The following GRIA3 variants were observed in gnomAD, a reference collection of about 807,000 sequenced individuals.
GRIA3 encodes the protein glutamate ionotropic receptor AMPA type subunit 3.
GRIA3 carries 3 observed loss-of-function variants against 63.0 expected under a neutral mutation model. The ratio of observed to expected loss-of-function variants is 0.05; its 90% CI spans 0.02 to 0.12. GRIA3 has a LOEUF of 0.12. GRIA3 is among the 10% of genes least tolerant of loss of function. The pLI is 1.00. For synonymous variants in GRIA3, 274 were observed against 257.9 expected (o/e 1.06, Z -0.60); for missense variants, 347 against 700.9 (o/e 0.50, Z 5.70).
chrX:123,403,195 G>T (rs1169917478), intron 8 of GRIA3, 97 bp downstream of exon 8: 2 of 608,153 alleles, frequency 3.3e-6, no homozygotes, highest in Admixed American at 4.6e-5. Context: ...CAAAATATCA[G>T]TAAGGATGAG....
At chrX:123,217,134 T>C (rs1408270966) in intron 2 of GRIA3, among the ~76,000 whole-genome samples, 2 of 110,983 alleles carry the variant, frequency 1.8e-5, no homozygotes, top group African/African-American at 6.6e-5. Context: ...AGCTGCAAAC[T>C]CCCCCTCATC....
intron 12 of GRIA3, among the ~76,000 whole-genome samples, chrX:123,451,701 G>A (rs1439152882): frequency 1.8e-5 from 2 of 108,372 alleles, no homozygotes; most frequent in Admixed American, 1.0e-4. Flanking sequence ...ATGACTAAAA[G>A]GATTTTGACC....
At chrX:123,234,306 C>T (rs2044291284) in intron 2 of GRIA3, among the ~76,000 whole-genome samples, 2 of 111,718 alleles carry the variant, frequency 1.8e-5, no homozygotes, top group Admixed American at 1.9e-4. Flanking sequence ...CTTCCACACA[C>T]AGCAACAGAG....
At chrX:123,454,437 A>G (rs1166467848) in intron 12 of GRIA3, among the ~76,000 whole-genome samples, 1 of 111,822 alleles carries the variant, frequency 8.9e-6, no homozygotes, top group Non-Finnish European at 1.9e-5. Flanking sequence ...GTATGTATTC[A>G]ATTAAATGTT....
At chrX:123,464,714 T>C in intron 12 of GRIA3, 151 bp from the exon 13 acceptor site, 1 of 476,016 alleles carries the variant, frequency 2.1e-6, no homozygotes, top group Non-Finnish European at 3.7e-6. Flanking sequence ...TTGGAAACAA[T>C]GTTTACGTAT....
chrX:123,324,421 A>G (rs1050588382), intron 3 of GRIA3, among the ~76,000 whole-genome samples: 4 of 112,067 alleles, frequency 3.6e-5, no homozygotes, highest in Non-Finnish European at 5.6e-5. Context: ...GAGATTCAAA[A>G]TAATGAGGCT....
chrX:123,324,198 C>T (rs776568950), intron 3 of GRIA3, among the ~76,000 whole-genome samples: 4 of 111,971 alleles, frequency 3.6e-5, no homozygotes, highest in Non-Finnish European at 7.5e-5. Context: ...TGGAATAAGA[C>T]CAATGAGTAG....
At chrX:123,206,098 C>T (rs889750006) in intron 2 of GRIA3, among the ~76,000 whole-genome samples, 4 of 111,744 alleles carry the variant, frequency 3.6e-5, no homozygotes, top group Non-Finnish European at 7.5e-5. Flanking sequence ...ATCTGGAAAA[C>T]ATAACTCATG....
intron 5 of GRIA3, among the ~76,000 whole-genome samples, chrX:123,367,443 T>G (rs1415810136): frequency 9.1e-6 from 1 of 109,529 alleles, no homozygotes; most frequent in Non-Finnish European, 1.9e-5. Context: ...GTTTTTTGTT[T>G]TTTGTTTTTT....
intron 2 of GRIA3, among the ~76,000 whole-genome samples, chrX:123,245,719 C>A (rs2044355019): frequency 8.9e-6 from 1 of 111,835 alleles, no homozygotes; most frequent in Non-Finnish European, 1.9e-5. Flanking sequence ...GTGAAGAAGT[C>A]ATCATCGAAC....
At chrX:123,326,605 T>C (rs2044906901) in intron 4 of GRIA3, among the ~76,000 whole-genome samples, 1 of 111,509 alleles carries the variant, frequency 9.0e-6, no homozygotes, top group Non-Finnish European at 1.9e-5. Flanking sequence ...GAAAGGGTTT[T>C]TGTTTCAGGA....
In GRIA3 at chrX:123,465,770, C is replaced by T. The variant is rs762322961; in HGVS notation, c.2324+658C>T. 8.3e-7 allele frequency: 1 copy of T among 1,204,143 alleles called. No individual in the cohort carries two copies. The highest frequency in any genetic ancestry group is 3.0e-5 in the East Asian group (1 of 33,805). ...GGTACGACAAAGGAGAGTGCGGCAG[C>T]GGGGGCGGTGACTCCAAGGTCAGCC... On this transcript the variant is annotated intron_variant, in intron 13 of 15. Transcript: ENST00000620443.
intron 2 of GRIA3, among the ~76,000 whole-genome samples, chrX:123,231,070 C>T (rs777536822): frequency 5.4e-5 from 6 of 111,895 alleles, no homozygotes; most frequent in Admixed American, 9.5e-5. Flanking sequence ...CAAACCTACA[C>T]GGTCTGGTAC....
chrX:123,193,411 T>C (rs1222471941), intron 2 of GRIA3, among the ~76,000 whole-genome samples: 1 of 112,252 alleles, frequency 8.9e-6, no homozygotes, highest in Non-Finnish European at 1.9e-5. Flanking sequence ...GCTCCTCAGC[T>C]GTCTGACTTC....
At chrX:123,395,232 C>A in intron 6 of GRIA3, 103 bp downstream of exon 6, 1 of 753,624 alleles carries the variant, frequency 1.3e-6, no homozygotes, top group Non-Finnish European at 2.1e-6. Flanking sequence ...TGATTTTCCT[C>A]AGAAGTGATT....
At chrX:123,480,293 C>T in intron 14 of GRIA3, 116 bp downstream of exon 14, 1 of 518,315 alleles carries the variant, frequency 1.9e-6, no homozygotes, top group Non-Finnish European at 3.5e-6. Flanking sequence ...CAGTGGGACC[C>T]CTTTATAACA....
At chrX:123,359,365 T>G (rs1430611984) in intron 5 of GRIA3, among the ~76,000 whole-genome samples, 1 of 110,967 alleles carries the variant, frequency 9.0e-6, no homozygotes, top group Non-Finnish European at 1.9e-5. Flanking sequence ...ATTGAAAAGG[T>G]GGTATACTAA....
chrX:123,245,062 A>G (rs746457673), intron 2 of GRIA3, among the ~76,000 whole-genome samples: 31 of 112,357 alleles, frequency 2.8e-4, no homozygotes, highest in Non-Finnish European at 4.5e-4. Context: ...TGATAACTTG[A>G]ACTGACAATG....
chrX:123,189,048 A>G (rs1471438677), intron 2 of GRIA3, among the ~76,000 whole-genome samples: 2 of 111,759 alleles, frequency 1.8e-5, no homozygotes, highest in Non-Finnish European at 3.8e-5. Flanking sequence ...ACTTTATTCC[A>G]TGTCCTACGA....
Sources: allele counts gnomAD v4.1 joint callset (sites outside exome capture counted in the v4.1 genomes callset), GRCh38; gene constraint gnomAD v4.1.1; transcripts MANE v1.5; gene names NCBI Gene and HGNC (gene_info 2026-07-23, HGNC 2026-07-21).